INAVA: variants seen among roughly 807,000 people sequenced by gnomAD.
INAVA encodes innate immunity activator, also known as innate immunity activator protein.
Under a neutral mutation model 55.3 loss-of-function variants are expected in INAVA, and 32 were observed. The observed-to-expected ratio is 0.58, with a 90% CI of 0.44 to 0.78. The LOEUF (loss-of-function observed/expected upper bound fraction) is 0.78. Among genes scored for constraint, INAVA ranks in the 30% least tolerant of loss-of-function variants. The pLI is 0.00. For synonymous variants in INAVA, 294 were observed against 329.4 expected, an observed-to-expected ratio of 0.89 and a Z score of 1.16; for missense variants, 756 against 786.4, an observed-to-expected ratio of 0.96 and a Z score of 0.46.
chr1:200,905,241 T>G (rs1398299707), intron 5 of INAVA, among the ~76,000 whole-genome samples: 1 of 152,104 alleles, frequency 6.6e-6, no homozygotes, highest in Non-Finnish European at 1.5e-5. Context: ...TGGGTAAAGA[T>G]TTTTTCATTA....
chr1:200,898,102 A>G (rs1306072524), intron 1 of INAVA, among the ~76,000 whole-genome samples: 2 of 151,962 alleles, frequency 1.3e-5, no homozygotes, highest in Non-Finnish European at 2.9e-5. Context: ...GGCCCCTGAG[A>G]GCCCACTGAG....
chr1:200,899,621 A>T (rs1260986993), intron 3 of INAVA, 24 bp downstream of exon 3: 2 of 1,609,962 alleles, frequency 1.2e-6, no homozygotes, highest in East Asian at 4.5e-5. Flanking sequence ...CAGCACACAC[A>T]AGCATCGGGT....
intron 8 of INAVA, 145 bp from the exon 9 acceptor site, chr1:200,911,308 G>A: frequency 2.5e-6 from 2 of 791,060 alleles, no homozygotes; most frequent in Non-Finnish European, 4.2e-6. Context: ...TGCTTTGGGA[G>A]ACTTGACCTA....
chr1:200,909,233 C>A lies in INAVA; in HGVS notation c.795C>A (p.Ala265=). The change falls in exon 8 of 10, where the codon GCC becomes GCA. Residue 265 remains alanine, a synonymous_variant. Transcript: ENST00000413687. ...SEPWSESSSP[A]TTPQDGPSAS... The stretch of plus-strand genomic sequence containing the variant: ...TCTAATCCTTTTGCAGCAGCCCAGC[C>A]ACCACACCACAGGATGGGCCCAGTG... The A allele has an allele frequency of 6.6e-7, 1 of 1,519,122 alleles. No homozygotes were observed. The allele number at this position is 1,519,122 out of a possible 1,614,324, so 94.1% of individuals were successfully genotyped here.
At chr1:200,910,348 A>G (rs937126379) in intron 8 of INAVA, among the ~76,000 whole-genome samples, 3 of 152,214 alleles carry the variant, frequency 2.0e-5, no homozygotes, top group African/African-American at 7.2e-5. Context: ...AATTACAAAT[A>G]CTGAATCTGC....
intron 4 of INAVA, among the ~76,000 whole-genome samples, 155 bp downstream of exon 4, chr1:200,900,375 T>G (rs898264900): frequency 6.6e-6 from 1 of 152,194 alleles, no homozygotes; most frequent in Non-Finnish European, 1.5e-5. Flanking sequence ...ACCATGAATA[T>G]GTAGCCCAAA....
At chr1:200,899,686 G>A in intron 3 of INAVA, 89 bp downstream of exon 3, 18 of 1,523,518 alleles carry the variant, frequency 1.2e-5, no homozygotes, top group Non-Finnish European at 1.6e-5. Context: ...GGGAGAGGGA[G>A]CCCCATTCTT....
At chr1:200,907,209 CCTTTTT>C (rs1281483898) in intron 5 of INAVA, among the ~76,000 whole-genome samples, 2 of 152,150 alleles carry the variant, frequency 1.3e-5, no homozygotes, top group African/African-American at 2.4e-5. Flanking sequence ...CAGAGGACAC[CCTTTTT>C]CTTTTTTTTT....
Position 200,911,965 on chromosome 1 carries a change from C to A in INAVA, c.1472C>A (p.Ala491Glu). Residue 491 changes from alanine (A) to glutamate (E), a missense_variant, in exon 9 of 10, where the codon GCA (alanine) becomes GAA (glutamate). By Grantham distance (107) the Ala-to-Glu change is moderately radical. Transcript: ENST00000413687. Reference sequence around the variant, plus strand: ...ACGCCCTCCCTGAAGGACAGCCCGGCAGGCCGGGGGCTCAGCAAGGCCGCC... The same window carrying A: ...ACGCCCTCCCTGAAGGACAGCCCGGAAGGCCGGGGGCTCAGCAAGGCCGCC... ...VRTPSLKDSPAGRGLSKAAVS... is the reference protein window; with the variant it reads ...VRTPSLKDSPEGRGLSKAAVS... 1.3e-6 allele frequency: 2 copies of A among 1,535,212 alleles called. No individual in the cohort carries two copies. Among genetic ancestry groups the A allele is most frequent in the Non-Finnish European group, 1.7e-6 (2 of 1,145,732 alleles).
At chr1:200,896,542 A>G (rs1233469099) in intron 1 of INAVA, among the ~76,000 whole-genome samples, 1 of 152,212 alleles carries the variant, frequency 6.6e-6, no homozygotes, top group Non-Finnish European at 1.5e-5. Context: ...CCTCCCATAA[A>G]GTTAAAAAAA....
chr1:200,910,038 T>C (rs1055495611), intron 8 of INAVA, among the ~76,000 whole-genome samples: 1 of 152,160 alleles, frequency 6.6e-6, no homozygotes, highest in African/African-American at 2.4e-5. Context: ...CACCACAGCC[T>C]TTTCCCAGTA....
Position 200,911,593 on chromosome 1 carries a change from C to A in INAVA, c.1100C>A (p.Ser367Tyr), listed in dbSNP as rs535275404. Reference protein sequence around the residue: ...KPPLPHAACHSCSEDSGSDVS... With the variant: ...KPPLPHAACHYCSEDSGSDVS... Reference sequence around the variant, plus strand: ...CCGCTGCCCCACGCCGCCTGCCACTCCTGCTCAGAAGACAGTGGCTCTGAC... The same window carrying A: ...CCGCTGCCCCACGCCGCCTGCCACTACTGCTCAGAAGACAGTGGCTCTGAC... The change falls in exon 9 of 10, where the codon TCC becomes TAC. Residue 367 changes from serine to tyrosine, a missense_variant. This residue lies in a region of INAVA where 639 missense variants were observed against 624.3 expected (regional missense o/e 1.02). Transcript: ENST00000413687. 1 of 1,613,912 alleles carries A rather than the reference C, an allele frequency of 6.2e-7. No homozygotes were observed. The highest frequency in any genetic ancestry group is 8.5e-7 in the Non-Finnish European group (1 of 1,179,960).
At position 200,900,939 on chromosome 1, in the gene INAVA, C is replaced by T; in HGVS notation, c.300C>T (p.Asp100=). The part of the protein sequence containing the change: ...KLDDWALHRE[D]PLSSLERQLA... ...CTCACTCCTGCCCCCTCTCTCAGGA[C>T]CCCCTAAGCAGCCTGGAGCGCCAGC... is the stretch of plus-strand genomic sequence containing the variant. Residue 100 remains aspartate (D), a splice_region_variant and synonymous_variant, in exon 5 of 10, where the codon GAC becomes GAT. Transcript: ENST00000413687. The T allele has an allele frequency of 6.5e-7, 1 of 1,544,788 alleles. No homozygotes were observed. Among genetic ancestry groups the T allele is most frequent in the Non-Finnish European group, 8.8e-7 (1 of 1,142,578 alleles).
At chr1:200,913,009 G>A (rs745648394) in intron 9 of INAVA, among the ~76,000 whole-genome samples, 2 of 152,060 alleles carry the variant, frequency 1.3e-5, no homozygotes, top group Admixed American at 6.6e-5. Context: ...TCCCTGGTAC[G>A]GAGGGCTCTG....
intron 4 of INAVA, 141 bp downstream of exon 4, chr1:200,900,361 A>T: frequency 1.4e-6 from 1 of 701,794 alleles, no homozygotes; most frequent in Non-Finnish European, 2.4e-6. Context: ...TGTTGGTGAG[A>T]GACACCATGA....
chr1:200,909,373 G>C lies in INAVA; in HGVS notation c.935G>C (p.Arg312Thr), dbSNP rs769547725. 23 of 1,605,328 alleles carry C rather than the reference G, an allele frequency of 1.4e-5. No homozygotes were observed. The highest frequency in any genetic ancestry group is 1.9e-5 in the Non-Finnish European group (22 of 1,175,028). ...SAPATPEIQG[R>T]RGQSQSLRVD... ...CCAGCCACCCCTGAGATACAGGGGAGGAGGGGCCAGTCGCAGTCTCTGAGG... is the reference window on the plus strand; with the variant it reads ...CCAGCCACCCCTGAGATACAGGGGACGAGGGGCCAGTCGCAGTCTCTGAGG... Residue 312 changes from arginine to threonine, a missense_variant, in exon 8 of 10, where the codon AGG (arginine) becomes ACG (threonine). By Grantham distance (71) the Arg-to-Thr change is moderately conservative (BLOSUM62 -1). Around this residue, in one of 2 missense-constraint regions of INAVA, gnomAD observed 639 missense variants for 624.3 expected, o/e 1.02. Coordinates refer to ENST00000413687, the MANE Select transcript of INAVA (RefSeq NM_001142569.3).
At chr1:200,899,359 G>C in intron 2 of INAVA, 114 bp from the exon 3 acceptor site, 1 of 1,135,810 alleles carries the variant, frequency 8.8e-7, no homozygotes, top group South Asian at 1.8e-5. Flanking sequence ...GGCATGAGAT[G>C]TGTGTGTGTG....
At chr1:200,901,209 G>T in intron 5 of INAVA, 50 bp downstream of exon 5, 1 of 1,435,850 alleles carries the variant, frequency 7.0e-7, no homozygotes, top group South Asian at 1.4e-5. Context: ...GAGCTTTTGA[G>T]GGATGGTGGG....
intron 9 of INAVA, among the ~76,000 whole-genome samples, 162 bp downstream of exon 9, chr1:200,912,299 T>C (rs1285537442): frequency 6.6e-6 from 1 of 152,206 alleles, no homozygotes; most frequent in African/African-American, 2.4e-5. Context: ...TCATTTCCTC[T>C]TGGCTTTGGA....
Sources: allele counts gnomAD v4.1 joint callset (sites outside exome capture counted in the v4.1 genomes callset), GRCh38; gene constraint gnomAD v4.1.1; regional missense constraint gnomAD v4.1.1; transcripts MANE v1.5; gene names NCBI Gene and HGNC (gene_info 2026-07-23, HGNC 2026-07-21).